Variants in TOPBP1 observed in about 807,000 individuals in gnomAD.
TOPBP1 encodes DNA topoisomerase II binding protein 1, also known as DNA topoisomerase 2-binding protein 1.
In TOPBP1, 28 loss-of-function variants were observed where a neutral mutation model predicts 167.7. The ratio of observed to expected loss-of-function variants is 0.17; its 90% CI spans 0.12 to 0.23. The LOEUF (loss-of-function observed/expected upper bound fraction) is 0.23. Among genes scored for constraint, TOPBP1 ranks in the 10% least tolerant of loss-of-function variants. TOPBP1 has a pLI of 1.00. For missense variants in TOPBP1, 1,554 were observed against 1,809.6 expected (o/e 0.86, Z 2.56); for synonymous variants, 598 against 611.4 (o/e 0.98, Z 0.32).
chr3:133,609,027 A>G, intron 25 of TOPBP1, 65 bp from the exon 26 acceptor site: 1 of 1,259,804 alleles, frequency 7.9e-7, no homozygotes, highest in Non-Finnish European at 1.1e-6. Context: ...CAGATAATGC[A>G]TGATTTTATC....
Position 133,617,152 on chromosome 3 carries a change from C to T in TOPBP1, c.3759+8G>A. The T allele has an allele frequency of 6.3e-7, 1 of 1,599,030 alleles. No individual in the cohort carries two copies. The highest frequency in any genetic ancestry group is 8.5e-7 in the Non-Finnish European group (1 of 1,175,034). On this transcript the variant is annotated splice_region_variant and intron_variant, in intron 22 of 27. Coordinates refer to ENST00000260810, the MANE Select transcript of TOPBP1 (RefSeq NM_007027.4). The stretch of plus-strand genomic sequence containing the variant: ...AAAGCTGTATCACCATATTAAGGAT[C>T]AACAAACCTTTTCTCTAGGGTGCGG...
intron 19 of TOPBP1, among the ~76,000 whole-genome samples, chr3:133,621,779 G>A (rs1935095366): frequency 6.6e-6 from 1 of 152,184 alleles, no homozygotes; most frequent in Admixed American, 6.5e-5. Flanking sequence ...AAGTCATAGG[G>A]AAAGCTTTGG....
intron 14 of TOPBP1, among the ~76,000 whole-genome samples, chr3:133,631,995 C>G (rs1935501482): frequency 6.6e-6 from 1 of 152,122 alleles, no homozygotes; most frequent in South Asian, 2.1e-4. Flanking sequence ...TCCTCCTTCT[C>G]CAGCCATGAA....
Position 133,649,499 on chromosome 3 carries a change from G to A in TOPBP1, c.1388C>T (p.Ala463Val), listed in dbSNP as rs776978849. ...PVSHKPESKA[A>V]LLKKKNSSFS... Reference sequence around the variant, plus strand: ...GCTGCTGTTCTTCTTTTTTAAAAGAGCTGCTTTACTTTCAGGCTTATGTGA... The same window carrying A: ...GCTGCTGTTCTTCTTTTTTAAAAGAACTGCTTTACTTTCAGGCTTATGTGA... The change falls in exon 10 of 28, where the codon GCT (alanine) becomes GTT (valine). Residue 463 changes from alanine (A) to valine (V), a missense_variant. This residue lies in a region of TOPBP1 where 1,197 missense variants were observed against 1,351.5 expected (regional missense o/e 0.89). Transcript: ENST00000260810. 6.8e-6 allele frequency: 11 copies of A among 1,613,864 alleles called. No homozygotes were observed. The highest frequency in any genetic ancestry group is 9.3e-6 in the Non-Finnish European group (11 of 1,179,840).
intron 16 of TOPBP1, among the ~76,000 whole-genome samples, chr3:133,624,825 C>T (rs1935213429): frequency 1.3e-5 from 2 of 152,120 alleles, no homozygotes; most frequent in South Asian, 4.1e-4. Context: ...TTACATTAAT[C>T]TTAAAGATAA....
chr3:133,617,127 A>G, intron 22 of TOPBP1, 33 bp downstream of exon 22: 2 of 1,566,842 alleles, frequency 1.3e-6, no homozygotes, highest in Non-Finnish European at 1.7e-6. Context: ...GCAGTATGCA[A>G]AAGCTGTATC....
rs994592167 is a variant in TOPBP1, at chr3:133,653,599, G to A, written c.743-75C>T. The A allele has an allele frequency of 7.3e-6, 9 of 1,238,794 alleles. No homozygotes were observed. The African/African-American group carries it at 1.1e-4, about 15-fold the overall frequency. The allele number at this position is 1,238,794 out of a possible 1,614,324, so 76.7% of individuals were successfully genotyped here. A position where few individuals can be genotyped will look rare whatever the true frequency, so the allele number is the denominator to read the frequency against. ...ATGAAAACCATTACAATCTATCTTT[G>A]CAGAAATATTCAAATTATAACAGGT... On this transcript the variant is annotated intron_variant, in intron 6 of 27. Transcript: ENST00000260810.
intron 12 of TOPBP1, among the ~76,000 whole-genome samples, chr3:133,642,153 C>T (rs1341934853): frequency 6.6e-6 from 1 of 151,976 alleles, no homozygotes; most frequent in Non-Finnish European, 1.5e-5. Flanking sequence ...CCATGCCTGG[C>T]TCATTTTTTT....
At chr3:133,606,478 T>C (rs1307758338) in intron 27 of TOPBP1, among the ~76,000 whole-genome samples, 1 of 145,632 alleles carries the variant, frequency 6.9e-6, no homozygotes, top group Admixed American at 6.8e-5. Flanking sequence ...GCAATCCTAA[T>C]CTTAACCACT....
At chr3:133,607,101 G>C (rs1396288397) in intron 27 of TOPBP1, among the ~76,000 whole-genome samples, 2 of 152,064 alleles carry the variant, frequency 1.3e-5, no homozygotes, top group African/African-American at 4.8e-5. Context: ...ACTAAATGTT[G>C]GCAAAATATG....
intron 16 of TOPBP1, among the ~76,000 whole-genome samples, chr3:133,625,907 T>C (rs1475324196): frequency 6.6e-6 from 1 of 152,208 alleles, no homozygotes; most frequent in Admixed American, 6.5e-5. Context: ...AGTGGTATAT[T>C]ATCAAGATAA....
At chr3:133,627,406 A>G (rs1935303834) in intron 16 of TOPBP1, among the ~76,000 whole-genome samples, 1 of 152,228 alleles carries the variant, frequency 6.6e-6, no homozygotes, top group Non-Finnish European at 1.5e-5. Flanking sequence ...TAGGTAACAT[A>G]ATAGGTAATT....
intron 23 of TOPBP1, 66 bp downstream of exon 23, chr3:133,616,748 A>G: frequency 1.1e-6 from 1 of 890,638 alleles, no homozygotes; most frequent in Non-Finnish European, 1.6e-6. Context: ...ATTAATATTG[A>G]CTACATTTGA....
chr3:133,628,640 G>T lies in TOPBP1; in HGVS notation c.2614C>A (p.Gln872Lys). ...CGAGAGCTATTTGCCAAAGCAAGTT[G>T]CAAGTTTTTGACAATAACTTCTGAG... ...PLSEVIVKNL[Q>K]LALANSSRNA... The change falls in exon 15 of 28, where the codon CAA becomes AAA. Residue 872 changes from glutamine (Q) to lysine (K), a missense_variant. Around this residue, in one of 3 missense-constraint regions of TOPBP1, gnomAD observed 1,197 missense variants for 1,351.5 expected, o/e 0.89. Coordinates refer to ENST00000260810, the MANE Select transcript of TOPBP1 (RefSeq NM_007027.4). 2 of 1,598,856 alleles carry T rather than the reference G, an allele frequency of 1.3e-6. No individual in the cohort carries two copies. Among genetic ancestry groups the T allele is most frequent in the African/African-American group, 1.3e-5 (1 of 74,816 alleles).
chr3:133,652,706 C>G, intron 7 of TOPBP1, 77 bp from the exon 8 acceptor site: 1 of 1,271,266 alleles, frequency 7.9e-7, no homozygotes, highest in East Asian at 2.4e-5. Flanking sequence ...ATTAACTTTT[C>G]TTACAAATAT....
At chr3:133,605,488 A>AATCT (rs1934460531) in intron 27 of TOPBP1, among the ~76,000 whole-genome samples, 1 of 151,786 alleles carries the variant, frequency 6.6e-6, no homozygotes, top group Non-Finnish European at 1.5e-5. Context: ...AACATTTGAA[A>AATCT]ATGTAATTCC....
At chr3:133,658,453 T>C in intron 3 of TOPBP1, among the ~76,000 whole-genome samples, 1 of 145,818 alleles carries the variant, frequency 6.9e-6, no homozygotes, top group Non-Finnish European at 1.5e-5. Context: ...GGCGACAGAG[T>C]GAGACCCTAT....
At chr3:133,634,704 A>G (rs1053942158) in intron 14 of TOPBP1, among the ~76,000 whole-genome samples, 11 of 152,228 alleles carry the variant, frequency 7.2e-5, no homozygotes, top group Admixed American at 7.2e-4. Flanking sequence ...CAAGCTAAGA[A>G]TAGTACATCC....
rs1237099794 is a variant in TOPBP1, at chr3:133,628,420, G to A, written c.2746C>T (p.Leu916Phe). 6.2e-7 allele frequency: 1 copy of A among 1,611,002 alleles called. No homozygotes were observed. Among genetic ancestry groups the A allele is most frequent in the South Asian group, 1.1e-5 (1 of 90,204 alleles). Residue 916 changes from leucine (L) to phenylalanine (F), a missense_variant, in exon 16 of 28, where the codon CTC becomes TTC. Transcript: ENST00000260810. ...HKVVVCVSKK[L>F]SKKQSELNGI... ...TTTAGTTCACTCTGCTTCTTACTGAGTTTTTTACTAACACATACCACTACT... is the reference window on the plus strand; with the variant it reads ...TTTAGTTCACTCTGCTTCTTACTGAATTTTTTACTAACACATACCACTACT...
Sources: allele counts gnomAD v4.1 joint callset (sites outside exome capture counted in the v4.1 genomes callset), GRCh38; gene constraint gnomAD v4.1.1; regional missense constraint gnomAD v4.1.1; transcripts MANE v1.5; gene names NCBI Gene and HGNC (gene_info 2026-07-23, HGNC 2026-07-21).